The following USP31 variants were observed in gnomAD, a reference collection of about 807,000 sequenced individuals.
USP31 encodes the protein ubiquitin carboxyl-terminal hydrolase 31.
Under a neutral mutation model 119.4 loss-of-function variants are expected in USP31, and 44 were observed. The observed-to-expected ratio is 0.37, with a 90% CI of 0.29 to 0.47. The LOEUF (loss-of-function observed/expected upper bound fraction) is 0.47, where lower values mean the gene tolerates loss of function less well. Ranked by LOEUF, USP31 falls within the 20% of genes least tolerant of loss-of-function variation. The probability of loss-of-function intolerance (pLI) is 0.99; values close to 1 mark genes in which losing one functional copy is unlikely to be tolerated. For missense variants in USP31, 1,643 were observed against 1,730.2 expected (o/e 0.95, Z 0.89); for synonymous variants, 749 against 705.6 (o/e 1.06, Z -0.97).
intron 14 of USP31, among the ~76,000 whole-genome samples, chr16:23,073,041 G>A (rs141673731): frequency 3.9e-5 from 6 of 152,144 alleles, no homozygotes; most frequent in Admixed American, 1.3e-4. Context: ...CCTCTGTCAC[G>A]CTCTCTTGAA....
At chr16:23,075,966 T>C (rs1900553979) in intron 13 of USP31, among the ~76,000 whole-genome samples, 1 of 152,056 alleles carries the variant, frequency 6.6e-6, no homozygotes, top group Non-Finnish European at 1.5e-5. Flanking sequence ...CGCACACCTG[T>C]AGTCCCAGCT....
intron 1 of USP31, among the ~76,000 whole-genome samples, chr16:23,134,432 C>T (rs1903124070): frequency 6.6e-6 from 1 of 152,084 alleles, no homozygotes; most frequent in African/African-American, 2.4e-5. Context: ...TCAAAACAGC[C>T]TTATGAAACA....
intron 13 of USP31, among the ~76,000 whole-genome samples, chr16:23,074,736 T>C (rs1900488311): frequency 6.6e-6 from 1 of 152,226 alleles, no homozygotes; most frequent in South Asian, 2.1e-4. Context: ...CAGTCCAAAT[T>C]CTAAGCCTGA....
At chr16:23,127,908 C>T (rs1228673166) in intron 1 of USP31, among the ~76,000 whole-genome samples, 2 of 152,104 alleles carry the variant, frequency 1.3e-5, no homozygotes, top group African/African-American at 4.8e-5. Flanking sequence ...AAAAAAACTA[C>T]CAAATAAGTC....
At chr16:23,124,936 G>A (rs1283574322) in intron 1 of USP31, among the ~76,000 whole-genome samples, 3 of 152,072 alleles carry the variant, frequency 2.0e-5, no homozygotes, top group Non-Finnish European at 4.4e-5. Flanking sequence ...ACGCATCAAA[G>A]GCAAGCTATA....
intron 13 of USP31, among the ~76,000 whole-genome samples, chr16:23,075,333 A>G (rs1900522000): frequency 6.6e-6 from 1 of 152,186 alleles, no homozygotes; most frequent in South Asian, 2.1e-4. Context: ...GACATGCCCA[A>G]GAGAAGGAGA....
At position 23,067,862 on chromosome 16, in the gene USP31, G is replaced by A; in HGVS notation, c.*184C>T. ...GTTATTTGGTTCAATGGCAGAATAAGGCGACGCTTTGAACAATTTGCAATT... is the reference window on the plus strand; with the variant it reads ...GTTATTTGGTTCAATGGCAGAATAAAGCGACGCTTTGAACAATTTGCAATT... On this transcript the variant is annotated 3_prime_UTR_variant, in exon 16 of 16. Transcript: ENST00000219689. 4.1e-6 allele frequency: 3 copies of A among 727,032 alleles called. No individual in the cohort carries two copies. The highest frequency in any genetic ancestry group is 6.3e-6 in the Non-Finnish European group (3 of 479,088). 45.0% of individuals were successfully genotyped at this position (727,032 alleles called of 1,614,324 possible). A position where few individuals can be genotyped will look rare whatever the true frequency, so the allele number is the denominator to read the frequency against.
At chr16:23,112,351 G>A (rs377751774) in intron 1 of USP31, among the ~76,000 whole-genome samples, 6 of 152,140 alleles carry the variant, frequency 3.9e-5, no homozygotes, top group African/African-American at 1.4e-4. Context: ...GGCTGAGACA[G>A]GTGGATCACG....
Position 23,064,629 on chromosome 16 carries a change from A to G in USP31, c.*3417T>C, listed in dbSNP as rs375270478. The G allele has an allele frequency of 8.5e-5, 13 of 152,340 alleles. No homozygotes were observed. The highest frequency in any genetic ancestry group is 3.9e-4 in the Admixed American group (6 of 15,296). 9.4% of individuals were successfully genotyped at this position (152,340 alleles called of 1,614,324 possible). A position where few individuals can be genotyped will look rare whatever the true frequency, so the allele number is the denominator to read the frequency against. The stretch of plus-strand genomic sequence containing the variant: ...TTTCCAGAAGGAACAGACTTGCTCA[A>G]GAGAACCACAAGCCTTAGCCGATTT... On this transcript the variant is annotated 3_prime_UTR_variant, in exon 16 of 16. Coordinates refer to ENST00000219689, the MANE Select transcript of USP31 (RefSeq NM_020718.4).
At chr16:23,138,346 T>C (rs1202055203) in intron 1 of USP31, among the ~76,000 whole-genome samples, 2 of 152,210 alleles carry the variant, frequency 1.3e-5, no homozygotes, top group South Asian at 2.1e-4. Context: ...CAGTTCTAAA[T>C]TGCTTCAGTT....
At chr16:23,116,090 C>T in intron 1 of USP31, among the ~76,000 whole-genome samples, 1 of 152,194 alleles carries the variant, frequency 6.6e-6, no homozygotes, top group East Asian at 1.9e-4. Context: ...GGAAGTTGGG[C>T]TCCTCTTTTG....
Position 23,063,829 on chromosome 16 carries a change from C to T in USP31, c.*4217G>A, listed in dbSNP as rs548049670. The T allele has an allele frequency of 5.9e-5, 9 of 151,796 alleles. No individual in the cohort carries two copies. Among genetic ancestry groups the T allele is most frequent in the Admixed American group, 2.6e-4 (4 of 15,250 alleles). The allele number at this position is 151,796 out of a possible 1,614,324, so 9.4% of individuals were successfully genotyped here. A position where few individuals can be genotyped will look rare whatever the true frequency, so the allele number is the denominator to read the frequency against. ...TGCTTTCTGAGTTATATGGAGGCCACGCACAATTGTTTTTACTTGGGGAAA... is the reference window on the plus strand; with the variant it reads ...TGCTTTCTGAGTTATATGGAGGCCATGCACAATTGTTTTTACTTGGGGAAA... On this transcript the variant is annotated 3_prime_UTR_variant, in exon 16 of 16. Coordinates refer to ENST00000219689, the MANE Select transcript of USP31 (RefSeq NM_020718.4).
At chr16:23,078,934 C>T (rs926702915) in intron 13 of USP31, 1 of 152,232 alleles carries the variant, frequency 6.6e-6, no homozygotes, top group Non-Finnish European at 1.5e-5. Flanking sequence ...ATGAACCTTA[C>T]AGACATTATG....
chr16:23,075,280 T>G (rs1900519619), intron 13 of USP31, among the ~76,000 whole-genome samples: 1 of 151,732 alleles, frequency 6.6e-6, no homozygotes, highest in African/African-American at 2.4e-5. Context: ...AGCTGGGGAG[T>G]AGCTGCTCTT....
At chr16:23,122,195 T>C (rs1051413102) in intron 1 of USP31, among the ~76,000 whole-genome samples, 6 of 152,158 alleles carry the variant, frequency 3.9e-5, no homozygotes, top group African/African-American at 1.4e-4. Flanking sequence ...TTATCTAATA[T>C]CAAATTTTAG....
chr16:23,083,854 A>G (rs1262337020), intron 11 of USP31, among the ~76,000 whole-genome samples: 1 of 152,178 alleles, frequency 6.6e-6, no homozygotes. Context: ...TAATATTAGG[A>G]CTTCTGAGTC....
chr16:23,144,047 C>A (rs1903435224), intron 1 of USP31, among the ~76,000 whole-genome samples: 1 of 152,190 alleles, frequency 6.6e-6, no homozygotes, highest in South Asian at 2.1e-4. Context: ...CAACTCATTT[C>A]ATCCTGGGAA....
chr16:23,128,909 T>C (rs2141894246), intron 1 of USP31, among the ~76,000 whole-genome samples: 1 of 152,324 alleles, frequency 6.6e-6, no homozygotes, highest in East Asian at 1.9e-4. Context: ...TGGAATATAA[T>C]ACAAAAAATC....
intron 1 of USP31, among the ~76,000 whole-genome samples, chr16:23,139,517 T>C (rs1279174365): frequency 6.6e-6 from 1 of 152,240 alleles, no homozygotes; most frequent in Non-Finnish European, 1.5e-5. Context: ...GTCATGACTC[T>C]GCCTTCCTGG....
Sources: gnomAD v4.1 joint callset for allele counts (sites outside exome capture counted in the v4.1 genomes callset) on GRCh38, gnomAD v4.1.1 for gene constraint, MANE v1.5 for transcripts, NCBI Gene and HGNC (gene_info 2026-07-23, HGNC 2026-07-21) for gene names.